Variants in BBS7 observed in about 807,000 individuals in gnomAD.
BBS7 encodes the protein Bardet-Biedl syndrome 7, also known as BBSome complex member BBS7.
In BBS7, 50 loss-of-function variants were observed where a neutral mutation model predicts 90.3. That is an observed-to-expected ratio of 0.55 (90% confidence interval 0.44 to 0.70). BBS7 has a LOEUF of 0.70. BBS7 is among the 30% of genes least tolerant of loss of function. The probability of loss-of-function intolerance (pLI) is 0.00; values close to 1 mark genes in which losing one functional copy is unlikely to be tolerated. For missense variants in BBS7, 729 were observed against 838.9 expected (o/e 0.87, Z 1.62); for synonymous variants, 235 against 287.4 (o/e 0.82, Z 1.85).
chr4:121,867,284 T>C (rs190163334), intron 2 of BBS7, among the ~76,000 whole-genome samples: 3 of 152,308 alleles, frequency 2.0e-5, no homozygotes, highest in East Asian at 3.9e-4. Context: ...CCTGCAACTT[T>C]ACTGAATTCA....
At chr4:121,858,173 C>G (rs576668452) in intron 5 of BBS7, among the ~76,000 whole-genome samples, 1 of 152,066 alleles carries the variant, frequency 6.6e-6, no homozygotes, top group Non-Finnish European at 1.5e-5. Flanking sequence ...TGGATTTTTC[C>G]TTTTACAAAA....
chr4:121,865,123 C>T (rs1054256012), intron 2 of BBS7, among the ~76,000 whole-genome samples: 1 of 152,070 alleles, frequency 6.6e-6, no homozygotes, highest in African/African-American at 2.4e-5. Context: ...TTTTAGCTTC[C>T]ACATATTAAT....
chr4:121,847,628 T>C, intron 9 of BBS7, 122 bp from the exon 10 acceptor site: 1 of 740,738 alleles, frequency 1.3e-6, no homozygotes, highest in South Asian at 1.5e-5. Context: ...TCAGCCTAAC[T>C]TAACCCTAGG....
At chr4:121,835,661 A>G (rs984759811) in intron 13 of BBS7, among the ~76,000 whole-genome samples, 3 of 152,220 alleles carry the variant, frequency 2.0e-5, no homozygotes, top group Admixed American at 6.5e-5. Context: ...AGAAAAGATA[A>G]TAAGTACAGA....
intron 6 of BBS7, 25 bp downstream of exon 6, chr4:121,855,464 T>C (rs1726560064): frequency 1.3e-6 from 2 of 1,595,204 alleles, no homozygotes; most frequent in Non-Finnish European, 1.7e-6. Context: ...CATAGTTGAT[T>C]TGTGAAAAAT....
intron 14 of BBS7, among the ~76,000 whole-genome samples, chr4:121,833,776 C>A (rs1351763541): frequency 2.5e-4 from 38 of 151,972 alleles, no homozygotes; most frequent in Non-Finnish European, 7.4e-5. Context: ...AACTCCAGGG[C>A]TCAAGCAATT....
rs373360397 is a variant in BBS7, at chr4:121,834,914, C to A, written c.1511+230G>T. ...GAAAGAGAACTGCTATTCTAATAAT[C>A]CCAGAATAGTAATATATGAGAAAGA... On this transcript the variant is annotated intron_variant, in intron 14 of 18. Coordinates refer to ENST00000264499, the MANE Select transcript of BBS7 (RefSeq NM_176824.3). Among the ~76,000 whole-genome samples, 8 of 152,120 alleles carry A rather than the reference C, an allele frequency of 5.3e-5. No homozygotes were observed. In the East Asian group the frequency reaches 9.6e-4, roughly 18 times the overall value.
chr4:121,860,615 A>T (rs1327051217), intron 4 of BBS7, among the ~76,000 whole-genome samples: 1 of 152,158 alleles, frequency 6.6e-6, no homozygotes, highest in Non-Finnish European at 1.5e-5. Flanking sequence ...AGTATTCCAT[A>T]ATTATCATTG....
intron 2 of BBS7, among the ~76,000 whole-genome samples, chr4:121,867,231 T>A (rs1727331636): frequency 6.6e-6 from 1 of 152,174 alleles, no homozygotes; most frequent in Non-Finnish European, 1.5e-5. Context: ...GCTAGTTTGT[T>A]GTGTATAGAA....
intron 1 of BBS7, 51 bp downstream of exon 1, chr4:121,870,227 C>CGG: frequency 6.2e-7 from 1 of 1,611,256 alleles, no homozygotes; most frequent in African/African-American, 1.3e-5. Context: ...GGAATCCTCT[C>CGG]CGGGTGCTGG....
rs1725824670 is a variant in BBS7, at chr4:121,843,090, CTTCAGTTTGG to C, written c.1305+827_1305+836del. ...ATAGCATTTTCAGGAATTTTAAGAA[CTTCAGTTTGG>C]CAGAAATAATGTGCATGGGAGGGGT... On this transcript the variant is annotated intron_variant, in intron 12 of 18. Coordinates refer to ENST00000264499, the MANE Select transcript of BBS7 (RefSeq NM_176824.3). Among the ~76,000 whole-genome samples, 7 of 152,260 alleles carry C rather than the reference CTTCAGTTTGG, an allele frequency of 4.6e-5. No individual in the cohort carries two copies. In the East Asian group the frequency reaches 1.3e-3, roughly 29 times the overall value.
At chr4:121,832,159 A>G (rs536341165) in intron 15 of BBS7, among the ~76,000 whole-genome samples, 53 of 152,064 alleles carry the variant, frequency 3.5e-4, no homozygotes, top group African/African-American at 9.6e-4. Flanking sequence ...CTTGACCAAC[A>G]TGGTGAAACC....
chr4:121,868,032 A>C lies in BBS7; in HGVS notation c.51T>G (p.Ser17=). 1.2e-6 allele frequency: 2 copies of C among 1,613,472 alleles called. No individual in the cohort carries two copies. The highest frequency in any genetic ancestry group is 1.7e-6 in the Non-Finnish European group (2 of 1,179,526). Residue 17 remains serine (S), a synonymous_variant, in exon 2 of 19, where the codon TCT becomes TCG. Coordinates refer to ENST00000264499, the MANE Select transcript of BBS7 (RefSeq NM_176824.3). ...RMDYLQVGVT[S]QKTMKLIPAS... Reference sequence around the variant, plus strand: ...CAGGAATTAGCTTCATAGTCTTCTGAGATGTTACTCCCACCTAAAGAAAAA... The same window carrying C: ...CAGGAATTAGCTTCATAGTCTTCTGCGATGTTACTCCCACCTAAAGAAAAA...
chr4:121,835,316 A>T, intron 13 of BBS7, 33 bp from the exon 14 acceptor site: 2 of 1,610,856 alleles, frequency 1.2e-6, no homozygotes, highest in Non-Finnish European at 1.7e-6. Context: ...ATAAAATAAG[A>T]ATATTTAGCA....
intron 10 of BBS7, among the ~76,000 whole-genome samples, chr4:121,846,567 A>G (rs575394077): frequency 3.5e-4 from 54 of 152,132 alleles, no homozygotes; most frequent in African/African-American, 1.3e-3. Context: ...ACTTGGTTAT[A>G]AAAAAAAGGT....
At chr4:121,858,801 T>G in intron 5 of BBS7, 191 bp downstream of exon 5, 2 of 595,168 alleles carry the variant, frequency 3.4e-6, no homozygotes, top group Non-Finnish European at 5.7e-6. Context: ...AATATGCTTC[T>G]CTTAAAAACT....
At chr4:121,857,480 A>G (rs1383001142) in intron 5 of BBS7, among the ~76,000 whole-genome samples, 1 of 152,170 alleles carries the variant, frequency 6.6e-6, no homozygotes, top group Non-Finnish European at 1.5e-5. Flanking sequence ...GTAACTATAT[A>G]AACACAAAAG....
Position 121,828,119 on chromosome 4 carries a change from C to G in BBS7, c.2014+27G>C. The G allele has an allele frequency of 3.7e-6, 6 of 1,611,270 alleles. No individual in the cohort carries two copies. The South Asian group carries it at 4.4e-5, about 12-fold the overall frequency. On this transcript the variant is annotated intron_variant, in intron 18 of 18. Coordinates refer to ENST00000264499, the MANE Select transcript of BBS7 (RefSeq NM_176824.3). ...AATAGCCAGTTGAAAAGAAATATGG[C>G]AAGGTATTCTAGAATGGTCCACTAA...
rs1507994 is a variant in BBS7, at chr4:121,828,386, C to A, written c.1890+16G>T. On this transcript the variant is annotated intron_variant, in intron 17 of 18. Transcript: ENST00000264499. ...TCAAATAATAATCACCAGTCCACGA[C>A]GACACATGTACTTACTTTTAAAGCA... 1 of 1,604,580 alleles carries A rather than the reference C, an allele frequency of 6.2e-7. No homozygotes were observed. Among genetic ancestry groups the A allele is most frequent in the East Asian group, 2.2e-5 (1 of 44,746 alleles).
Sources: allele counts gnomAD v4.1 joint callset (sites outside exome capture counted in the v4.1 genomes callset), GRCh38; gene constraint gnomAD v4.1.1; transcripts MANE v1.5; gene names NCBI Gene and HGNC (gene_info 2026-07-23, HGNC 2026-07-21).